Variants in C1GALT1 observed in about 807,000 individuals in gnomAD.
C1GALT1 encodes the protein glycoprotein-N-acetylgalactosamine 3-beta-galactosyltransferase 1.
In C1GALT1, 11 loss-of-function variants were observed where a neutral mutation model predicts 31.0. The ratio of observed to expected loss-of-function variants is 0.36; its 90% CI spans 0.22 to 0.59. The LOEUF is 0.59. C1GALT1 is among the 20% of genes least tolerant of loss of function. The probability of loss-of-function intolerance (pLI) is 0.79; values close to 1 mark genes in which losing one functional copy is unlikely to be tolerated. For missense variants in C1GALT1, 424 were observed against 425.2 expected, an observed-to-expected ratio of 1.00 and a Z score of 0.03; for synonymous variants, 175 against 143.6, an observed-to-expected ratio of 1.22 and a Z score of -1.56.
At position 7,245,237 on chromosome 7, in the gene C1GALT1, G is replaced by C. The variant is rs1388116595; in HGVS notation, c.*1510G>C. On this transcript the variant is annotated 3_prime_UTR_variant, in exon 4 of 4. Coordinates refer to ENST00000436587, the MANE Select transcript of C1GALT1 (RefSeq NM_020156.5). ...ATTTAGCTAAGTAATTTCTTTTTTC[G>C]GAGACTGTCTCACTCTGTCTCCCAG... The C allele has an allele frequency of 6.6e-6, 1 of 152,056 alleles. No individual in the cohort carries two copies. The highest frequency in any genetic ancestry group is 1.5e-5 in the Non-Finnish European group (1 of 68,018). 9.4% of individuals were successfully genotyped at this position (152,056 alleles called of 1,614,324 possible).
chr7:7,177,854 T>A (rs1780521060), upstream of C1GALT1: 1 of 153,054 alleles, frequency 6.5e-6, no homozygotes, highest in Non-Finnish European at 1.5e-5. Context: ...TTACATATAA[T>A]CTCATTGACT....
intron 2 of C1GALT1, among the ~76,000 whole-genome samples, chr7:7,157,704 C>A (rs79568927): frequency 0.013 from 2,024 of 152,250 alleles, 33 homozygotes; most frequent in African/African-American, 0.046. Context: ...GTATAATCAA[C>A]CTCTATCTCA....
chr7:7,191,249 T>G (rs1781057938), intron 1 of C1GALT1, among the ~76,000 whole-genome samples: 1 of 152,178 alleles, frequency 6.6e-6, no homozygotes, highest in Non-Finnish European at 1.5e-5. Flanking sequence ...ATTTGTCCTT[T>G]TGTGATTGGC....
intron 1 of C1GALT1, among the ~76,000 whole-genome samples, chr7:7,199,132 G>T (rs1224866511): frequency 6.6e-6 from 1 of 152,098 alleles, no homozygotes; most frequent in Non-Finnish European, 1.5e-5. Context: ...TGATGTCAGG[G>T]TGTCAATTTT....
At position 7,238,319 on chromosome 7, in the gene C1GALT1, C is replaced by T. The variant is rs567415913; in HGVS notation, c.285C>T (p.Thr95=). Residue 95 remains threonine (T), a synonymous_variant, in exon 3 of 4, where the codon ACC becomes ACT. Coordinates refer to ENST00000436587, the MANE Select transcript of C1GALT1 (RefSeq NM_020156.5). The surrounding 1 kb of genome is among the most constrained non-coding windows in gnomAD (Gnocchi z 5.2). The part of the protein sequence containing the change: ...QKVRILCWVM[T]GPQNLEKKAK... The stretch of plus-strand genomic sequence containing the variant: ...TTAGAATTCTTTGCTGGGTTATGAC[C>T]GGCCCTCAAAACCTAGAGAAAAAGG... The T allele has an allele frequency of 3.0e-5, 49 of 1,613,834 alleles. No homozygotes were observed. In the South Asian group the frequency reaches 4.2e-4, roughly 14 times the overall value.
chr7:7,233,496 C>T (rs569464632), intron 1 of C1GALT1, among the ~76,000 whole-genome samples: 1 of 152,352 alleles, frequency 6.6e-6, no homozygotes, highest in African/African-American at 2.4e-5. Context: ...TGGTCTCAAG[C>T]TCCTGACTTC....
chr7:7,243,542 G>C lies in C1GALT1; in HGVS notation c.907G>C (p.Asp303His). ...PPVEGPGCCS[D>H]LAVSFHYVDS... Reference sequence around the variant, plus strand: ...TTTTTAGGGTCCTGGTTGCTGCTCTGATCTTGCAGTTTCTTTTCACTATGT... The same window carrying C: ...TTTTTAGGGTCCTGGTTGCTGCTCTCATCTTGCAGTTTCTTTTCACTATGT... Residue 303 changes from aspartate (D) to histidine (H), a missense_variant, in exon 4 of 4, where the codon GAT becomes CAT. Transcript: ENST00000436587. The C allele has an allele frequency of 1.2e-6, 2 of 1,605,700 alleles. No individual in the cohort carries two copies. The highest frequency in any genetic ancestry group is 1.7e-6 in the Non-Finnish European group (2 of 1,177,484).
At chr7:7,181,569 A>G (rs924657765), upstream of C1GALT1, among the ~76,000 whole-genome samples, 2 of 152,238 alleles carry the variant, frequency 1.3e-5, no homozygotes, top group African/African-American at 4.8e-5. Flanking sequence ...GAACCTAAGC[A>G]AATTAAAGGA....
chr7:7,166,380 GC>G (rs1427126797), intron 2 of C1GALT1, among the ~76,000 whole-genome samples: 1 of 152,088 alleles, frequency 6.6e-6, no homozygotes, highest in African/African-American at 2.4e-5. Context: ...AAGTAACAAT[GC>G]CAGTGAATAA....
intron 1 of C1GALT1, among the ~76,000 whole-genome samples, chr7:7,216,321 C>T (rs766763929): frequency 9.9e-5 from 15 of 152,126 alleles, no homozygotes; most frequent in South Asian, 2.1e-4. Context: ...TTCTGGATTC[C>T]GGCACCTTCT....
At chr7:7,241,717 T>A (rs559330006) in intron 3 of C1GALT1, among the ~76,000 whole-genome samples, 2 of 152,150 alleles carry the variant, frequency 1.3e-5, no homozygotes, top group East Asian at 3.8e-4. Context: ...ATCTTTAAAA[T>A]CTGGCTTTGT....
At chr7:7,230,180 T>A (rs1783000867) in intron 1 of C1GALT1, among the ~76,000 whole-genome samples, 1 of 152,176 alleles carries the variant, frequency 6.6e-6, no homozygotes. Context: ...TTTTGGGATA[T>A]TTTTATATCA....
intron 1 of C1GALT1, among the ~76,000 whole-genome samples, chr7:7,189,705 A>G (rs1780974158): frequency 6.6e-6 from 1 of 152,180 alleles, no homozygotes; most frequent in African/African-American, 2.4e-5. Context: ...TCCAATGAAT[A>G]AACTCATAGT....
intron 1 of C1GALT1, among the ~76,000 whole-genome samples, chr7:7,224,258 GTTT>G (rs143788001): frequency 1.3e-5 from 2 of 149,144 alleles, no homozygotes; most frequent in African/African-American, 5.0e-5. Flanking sequence ...GTAGTCTGTA[GTTT>G]TTTTTGGTTT....
At chr7:7,214,825 T>C (rs981632059) in intron 1 of C1GALT1, among the ~76,000 whole-genome samples, 1 of 152,348 alleles carries the variant, frequency 6.6e-6, no homozygotes. Context: ...TCCCATGATA[T>C]ACTTTCCACT....
chr7:7,212,205 G>A (rs1782037473), intron 1 of C1GALT1, among the ~76,000 whole-genome samples: 1 of 152,150 alleles, frequency 6.6e-6, no homozygotes, highest in Non-Finnish European at 1.5e-5. Context: ...CAAGAAACTC[G>A]GAGCTTCCAG....
At chr7:7,181,906 G>A (rs1780596921), upstream of C1GALT1, among the ~76,000 whole-genome samples, 1 of 152,126 alleles carries the variant, frequency 6.6e-6, no homozygotes, top group Non-Finnish European at 1.5e-5. Flanking sequence ...CTTATTCAGA[G>A]CCCAGCGAAA....
At chr7:7,202,399 A>G (rs750950917) in intron 1 of C1GALT1, among the ~76,000 whole-genome samples, 2 of 152,188 alleles carry the variant, frequency 1.3e-5, no homozygotes, top group Non-Finnish European at 2.9e-5. Flanking sequence ...GTTAGTTTTC[A>G]TATATTGTGT....
In C1GALT1 at chr7:7,245,474, G is replaced by A. The variant is rs868400578; in HGVS notation, c.*1747G>A. ...ATTACGAGCGTGAGTCACAGCACCC[G>A]GCTAAGTAATTTCTATTTATTGTGC... On this transcript the variant is annotated 3_prime_UTR_variant, in exon 4 of 4. Transcript: ENST00000436587. The A allele has an allele frequency of 2.6e-5, 4 of 152,290 alleles. No individual in the cohort carries two copies. Among genetic ancestry groups the A allele is most frequent in the African/African-American group, 7.2e-5 (3 of 41,550 alleles). The allele number at this position is 152,290 out of a possible 1,614,324, so 9.4% of individuals were successfully genotyped here.
Sources: allele counts gnomAD v4.1 joint callset (sites outside exome capture counted in the v4.1 genomes callset), GRCh38; gene constraint gnomAD v4.1.1; non-coding constraint Gnocchi (gnomAD v3.1); transcripts MANE v1.5; gene names NCBI Gene and HGNC (gene_info 2026-07-23, HGNC 2026-07-21).